Variants in CLK1 observed in about 807,000 individuals in gnomAD.
CLK1 encodes the protein CDC like kinase 1, also known as dual specificity protein kinase CLK1.
A neutral mutation model predicts 60.9 loss-of-function variants in CLK1; 40 were observed. That is an observed-to-expected ratio of 0.66 (90% CI 0.51 to 0.86). The LOEUF (loss-of-function observed/expected upper bound fraction) is 0.86. CLK1 is among the 40% of genes least tolerant of loss of function. CLK1 has a pLI of 0.00. For synonymous variants in CLK1, 203 were observed against 184.4 expected, an observed-to-expected ratio of 1.10 and a Z score of -0.82; for missense variants, 563 against 606.1, an observed-to-expected ratio of 0.93 and a Z score of 0.75.
intron 9 of CLK1, 106 bp from the exon 10 acceptor site, chr2:200,855,192 T>A (rs2039018631): frequency 1.2e-6 from 1 of 817,486 alleles, no homozygotes; most frequent in Non-Finnish European, 1.9e-6. Context: ...ACATGTAATG[T>A]AGGCTGGGCA....
chr2:200,860,478 A>C (rs2039118517), intron 3 of CLK1: 1 of 1,188,682 alleles, frequency 8.4e-7, no homozygotes, highest in Non-Finnish European at 1.0e-6. Context: ...ACAAAACATA[A>C]TACAATTGTT....
chr2:200,853,930 A>G lies in CLK1; in HGVS notation c.1284T>C (p.Tyr428=), dbSNP rs781116356. 9.9e-6 allele frequency: 16 copies of G among 1,612,720 alleles called. No homozygotes were observed. The South Asian group carries it at 1.2e-4, about 12-fold the overall frequency. ...DWDEHSSAGR[Y]VSRRCKPLKE... The stretch of plus-strand genomic sequence containing the variant: ...TCAGAGGTTTACAGCGTCTTGAAAC[A>G]TATCTGCCGGCAGAACTGTGTTCAT... Residue 428 remains tyrosine, a synonymous_variant, in exon 12 of 13, where the codon TAT becomes TAC. Coordinates refer to ENST00000321356, the MANE Select transcript of CLK1 (RefSeq NM_004071.4).
intron 9 of CLK1, 41 bp from the exon 10 acceptor site, chr2:200,855,127 T>C (rs1384777233): frequency 2.1e-6 from 3 of 1,444,850 alleles, no homozygotes; most frequent in Non-Finnish European, 2.9e-6. Flanking sequence ...AAATACTCAA[T>C]GTTTGTTAAA....
Position 200,853,317 on chromosome 2 carries a change from T to C in CLK1, c.1444A>G (p.Lys482Glu), listed in dbSNP as rs1291928306. Residue 482 changes from lysine (K) to glutamate (E), a missense_variant, in exon 13 of 13, where the codon AAA becomes GAA. By Grantham distance (56) the Lys-to-Glu change is moderately conservative. Around this residue, in one of 3 missense-constraint regions of CLK1, gnomAD observed 360 missense variants for 407.0 expected, o/e 0.88. Transcript: ENST00000321356. The stretch of plus-strand genomic sequence containing the variant: ...GTCCAATTACAGATCTATATACTTT[T>C]CTTCAGAAGGTCAAAGAAAGGATGC... Reference protein sequence around the residue: ...LKHPFFDLLKKSI With the variant: ...LKHPFFDLLKESI The C allele has an allele frequency of 6.8e-6, 11 of 1,610,708 alleles. No individual in the cohort carries two copies. Among genetic ancestry groups the C allele is most frequent in the Non-Finnish European group, 9.3e-6 (11 of 1,178,708 alleles).
chr2:200,855,334 T>C (rs1470477270), intron 9 of CLK1, among the ~76,000 whole-genome samples: 3 of 152,168 alleles, frequency 2.0e-5, no homozygotes, highest in South Asian at 4.1e-4. Flanking sequence ...TATATCTGAA[T>C]TGGCCGGGCA....
intron 5 of CLK1, chr2:200,858,301 A>C (rs2039076676): frequency 3.6e-6 from 2 of 558,334 alleles, no homozygotes; most frequent in Non-Finnish European, 6.4e-6. Flanking sequence ...TTTCAGCTAA[A>C]CAACTTCTTC....
intron 5 of CLK1, among the ~76,000 whole-genome samples, chr2:200,859,182 G>A (rs567877215): frequency 6.6e-6 from 1 of 150,730 alleles, no homozygotes. Flanking sequence ...ACTCTGTCTC[G>A]AGAAAAAAAA....
rs55989135 is a variant in CLK1 at position 200,861,446 on chromosome 2, G to A, written c.182C>T (p.Ser61Phe). 9 of 1,612,734 alleles carry A rather than the reference G, an allele frequency of 5.6e-6. No individual in the cohort carries two copies. The highest frequency in any genetic ancestry group is 7.6e-6 in the Non-Finnish European group (9 of 1,179,700). ...MCDSHYLESR[S>F]INEKDYHSRR... ...ACTATGATAATCTTTCTCATTTATA[G>A]ACCTGCTTTCCAAATAATGGCTAGA... Residue 61 changes from serine to phenylalanine, a missense_variant, in exon 3 of 13, where the codon TCT becomes TTT. Coordinates refer to ENST00000321356, the MANE Select transcript of CLK1 (RefSeq NM_004071.4).
chr2:200,858,559 C>T (rs781305008), intron 5 of CLK1, among the ~76,000 whole-genome samples: 11 of 151,884 alleles, frequency 7.2e-5, no homozygotes, highest in Admixed American at 5.9e-4. Flanking sequence ...TAGCCAGGCA[C>T]GGTGGTGTGT....
intron 1 of CLK1, 133 bp downstream of exon 1, chr2:200,864,431 A>C: frequency 3.2e-6 from 2 of 630,832 alleles, no homozygotes; most frequent in South Asian, 2.6e-5. Flanking sequence ...GCAGCCTGGG[A>C]GTGAAGGGAG....
intron 2 of CLK1, 75 bp from the exon 3 acceptor site, chr2:200,861,541 T>C: frequency 2.5e-6 from 4 of 1,572,730 alleles, no homozygotes; most frequent in Middle Eastern, 1.7e-4. Context: ...AGACAGCACC[T>C]AGACTCCCCC....
intron 7 of CLK1, 33 bp from the exon 8 acceptor site, chr2:200,857,018 A>ACT (rs1559326846): frequency 1.3e-6 from 2 of 1,563,008 alleles, no homozygotes. Context: ...TGTAATCAGA[A>ACT]AACACCAAAC....
chr2:200,861,043 A>T (rs2039128968), intron 3 of CLK1, 195 bp downstream of exon 3: 1 of 1,369,126 alleles, frequency 7.3e-7, no homozygotes, highest in Non-Finnish European at 9.4e-7. Context: ...CCAACCAATA[A>T]TTAAATTATA....
At chr2:200,855,730 C>A (rs556123805) in intron 9 of CLK1, among the ~76,000 whole-genome samples, 1 of 151,470 alleles carries the variant, frequency 6.6e-6, no homozygotes, top group East Asian at 2.0e-4. Context: ...TATATATGGC[C>A]GGGCGCAGTG....
rs943247060 is a variant in CLK1, at chr2:200,854,799, G to A, written c.1141-104C>T. ...ACATTAAGGCTTGCAGAACAAACTC[G>A]CCAATGATTCCCTACATGGACACGG... On this transcript the variant is annotated intron_variant, in intron 10 of 12. Coordinates refer to ENST00000321356, the MANE Select transcript of CLK1 (RefSeq NM_004071.4). The A allele has an allele frequency of 3.5e-5, 31 of 888,792 alleles. 1 individual carries two copies. The East Asian group carries it at 4.8e-4, about 14-fold the overall frequency. The allele number at this position is 888,792 out of a possible 1,614,324, so 55.1% of individuals were successfully genotyped here.
intron 1 of CLK1, chr2:200,864,049 T>A: frequency 6.7e-7 from 1 of 1,500,954 alleles, no homozygotes; most frequent in Non-Finnish European, 8.9e-7. Context: ...GACACTTTCA[T>A]CATTAGACAT....
At chr2:200,860,042 AG>A (rs2039110541) in intron 4 of CLK1, 82 bp downstream of exon 4, 2 of 1,531,058 alleles carry the variant, frequency 1.3e-6, no homozygotes, top group Admixed American at 4.4e-5. Flanking sequence ...AAAGAAAAAA[AG>A]ATTTCCAAAT....
chr2:200,863,037 GA>G (rs1298614087), intron 1 of CLK1: 3 of 152,168 alleles, frequency 2.0e-5, no homozygotes, highest in African/African-American at 7.2e-5. Context: ...GAGCAAAATC[GA>G]AAATCTCTAA....
chr2:200,861,878 G>C lies in CLK1; in HGVS notation c.1-16C>G. 2 of 1,611,736 alleles carry C rather than the reference G, an allele frequency of 1.2e-6. No homozygotes were observed. The highest frequency in any genetic ancestry group is 1.3e-5 in the African/African-American group (1 of 74,946). On this transcript the variant is annotated splice_polypyrimidine_tract_variant and intron_variant, in intron 1 of 12. Coordinates refer to ENST00000321356, the MANE Select transcript of CLK1 (RefSeq NM_004071.4). Reference sequence around the variant, plus strand: ...AGTGTCTCATCTACATAAAAGGCAAGTTTTTCCTAGTTAAATTGTACCCCA... The same window carrying C: ...AGTGTCTCATCTACATAAAAGGCAACTTTTTCCTAGTTAAATTGTACCCCA...
Sources: gnomAD v4.1 joint callset for allele counts (sites outside exome capture counted in the v4.1 genomes callset) on GRCh38, gnomAD v4.1.1 for gene constraint, gnomAD v4.1.1 regional missense constraint, MANE v1.5 for transcripts, NCBI Gene and HGNC (gene_info 2026-07-23, HGNC 2026-07-21) for gene names.